The following PLXDC2 variants were observed in gnomAD, a reference collection of about 807,000 sequenced individuals.
PLXDC2 encodes plexin domain-containing protein 2.
In PLXDC2, 40 loss-of-function variants were observed where a neutral mutation model predicts 68.9. That is an observed-to-expected ratio of 0.58 (90% CI 0.45 to 0.76). The LOEUF (loss-of-function observed/expected upper bound fraction) is 0.76, where lower values mean the gene tolerates loss of function less well. PLXDC2 is among the 30% of genes least tolerant of loss of function. The pLI is 0.00. For missense variants in PLXDC2, 644 were observed against 661.9 expected (o/e 0.97, Z 0.30); for synonymous variants, 243 against 234.2 (o/e 1.04, Z -0.34).
At chr10:19,847,933 C>G (rs1837040501) in intron 1 of PLXDC2, among the ~76,000 whole-genome samples, 1 of 152,174 alleles carries the variant, frequency 6.6e-6, no homozygotes, top group Admixed American at 6.6e-5. Flanking sequence ...AACCATAGAA[C>G]TATTCATTGT....
chr10:20,083,719 A>G (rs1180197632), intron 4 of PLXDC2, among the ~76,000 whole-genome samples: 2 of 152,168 alleles, frequency 1.3e-5, no homozygotes, highest in Admixed American at 6.5e-5. Flanking sequence ...GAGGCAGTAT[A>G]AATTGCTGAT....
chr10:19,898,180 T>C (rs1838095080), intron 1 of PLXDC2, among the ~76,000 whole-genome samples: 1 of 152,226 alleles, frequency 6.6e-6, no homozygotes, highest in African/African-American at 2.4e-5. Flanking sequence ...TTTTTATTTG[T>C]ATTTTTTGGT....
rs1392812279 is a variant in PLXDC2, at chr10:20,258,748, C to T, written c.1473+13243C>T. Reference sequence around the variant, plus strand: ...TCTGGCCGGGTGCGGTGGCTCACGCCTGTAATCCCAGCACTTTGGGAGGCC... The same window carrying T: ...TCTGGCCGGGTGCGGTGGCTCACGCTTGTAATCCCAGCACTTTGGGAGGCC... On this transcript the variant is annotated intron_variant, in intron 13 of 13. Transcript: ENST00000377252. Among the ~76,000 whole-genome samples the T allele has an allele frequency of 3.9e-5, 6 of 152,004 alleles. No individual in the cohort carries two copies. In the East Asian group the frequency reaches 1.2e-3, roughly 29 times the overall value.
intron 9 of PLXDC2, among the ~76,000 whole-genome samples, chr10:20,194,213 T>C (rs974102256): frequency 1.3e-5 from 2 of 151,500 alleles, no homozygotes; most frequent in African/African-American, 4.8e-5. Context: ...TGTGTGTGTG[T>C]GTGTGTGTGT....
At chr10:20,054,849 A>C (rs1001936550) in intron 3 of PLXDC2, among the ~76,000 whole-genome samples, 9 of 152,072 alleles carry the variant, frequency 5.9e-5, no homozygotes, top group African/African-American at 2.2e-4. Flanking sequence ...AACTTAAAGT[A>C]TAATAATAAA....
At chr10:19,844,135 G>C (rs148601028) in intron 1 of PLXDC2, among the ~76,000 whole-genome samples, 86 of 152,308 alleles carry the variant, frequency 5.6e-4, no homozygotes, top group African/African-American at 1.9e-3. Flanking sequence ...TATCTGTAGT[G>C]AGCGGTGTTC....
chr10:20,075,582 C>T (rs1482917218), intron 4 of PLXDC2, among the ~76,000 whole-genome samples: 2 of 152,096 alleles, frequency 1.3e-5, no homozygotes, highest in Non-Finnish European at 2.9e-5. Flanking sequence ...AGCACTGGCT[C>T]CTTGTGGCAG....
intron 2 of PLXDC2, among the ~76,000 whole-genome samples, chr10:20,012,337 A>C: frequency 5.1e-4 from 1 of 1,966 alleles, no homozygotes; most frequent in Non-Finnish European, 1.5e-3. Context: ...TTTTTTTTGG[A>C]GAAGGAGACT....
chr10:19,905,490 G>T (rs1416654211), intron 1 of PLXDC2, among the ~76,000 whole-genome samples: 1 of 152,164 alleles, frequency 6.6e-6, no homozygotes, highest in South Asian at 2.1e-4. Flanking sequence ...ACCCAAAGGA[G>T]GCATTCTGAG....
intron 2 of PLXDC2, among the ~76,000 whole-genome samples, chr10:20,039,939 G>A (rs73603691): frequency 0.086 from 13,023 of 152,074 alleles, 1,069 homozygotes; most frequent in African/African-American, 0.22. Context: ...AGATTATAGC[G>A]TAAGTGCTGA....
intron 1 of PLXDC2, among the ~76,000 whole-genome samples, chr10:19,865,791 T>A (rs1202446110): frequency 6.6e-6 from 1 of 152,214 alleles, no homozygotes; most frequent in African/African-American, 2.4e-5. Flanking sequence ...GTGTAACAGA[T>A]TTCTGTAAGC....
intron 7 of PLXDC2, among the ~76,000 whole-genome samples, chr10:20,176,661 T>A (rs1313005332): frequency 6.6e-6 from 1 of 152,158 alleles, no homozygotes; most frequent in Non-Finnish European, 1.5e-5. Context: ...AATGGTATCA[T>A]CTTACCTTCT....
At chr10:20,243,366 G>C (rs1363019090) in intron 12 of PLXDC2, among the ~76,000 whole-genome samples, 4 of 152,126 alleles carry the variant, frequency 2.6e-5, no homozygotes, top group Non-Finnish European at 5.9e-5. Flanking sequence ...CCCTGACACA[G>C]TATAAATGAA....
intron 1 of PLXDC2, among the ~76,000 whole-genome samples, chr10:19,883,135 T>G (rs1188895850): frequency 6.6e-6 from 1 of 151,952 alleles, no homozygotes; most frequent in Non-Finnish European, 1.5e-5. Flanking sequence ...TTTTTGTTTT[T>G]GTATTTTTAG....
rs1833736323 is a variant in PLXDC2, at chr10:20,124,024, G to A, written c.542-19271G>A. Among the ~76,000 whole-genome samples, 3 of 152,020 alleles carry A rather than the reference G, an allele frequency of 2.0e-5. No homozygotes were observed. The South Asian group carries it at 6.2e-4, about 32-fold the overall frequency. On this transcript the variant is annotated intron_variant, in intron 4 of 13. Coordinates refer to ENST00000377252, the MANE Select transcript of PLXDC2 (RefSeq NM_032812.9). ...GTTTCTTGCCCCCCAGAAAGGCAGA[G>A]AAGGTGTAGAGACACGGAGAGAAGG... is the stretch of plus-strand genomic sequence containing the variant.
chr10:20,152,552 A>T (rs909231285), intron 6 of PLXDC2, among the ~76,000 whole-genome samples: 11 of 152,164 alleles, frequency 7.2e-5, no homozygotes, highest in African/African-American at 2.7e-4. Flanking sequence ...ATATTTTTTT[A>T]AAGTTCTTTT....
At chr10:20,109,638 A>C (rs1290158680) in intron 4 of PLXDC2, among the ~76,000 whole-genome samples, 1 of 152,184 alleles carries the variant, frequency 6.6e-6, no homozygotes, top group Non-Finnish European at 1.5e-5. Flanking sequence ...CATCTTTCAG[A>C]TATCTTCTCT....
At chr10:20,216,117 A>G (rs10764213) in intron 10 of PLXDC2, among the ~76,000 whole-genome samples, 1 of 151,682 alleles carries the variant, frequency 6.6e-6, no homozygotes, top group Non-Finnish European at 1.5e-5. Flanking sequence ...TAAAAAAAAA[A>G]AAAAATAAAA....
At chr10:19,835,930 G>C (rs1489934730) in intron 1 of PLXDC2, among the ~76,000 whole-genome samples, 2 of 152,116 alleles carry the variant, frequency 1.3e-5, no homozygotes, top group Non-Finnish European at 2.9e-5. Context: ...TCAGCACTTT[G>C]GGGGGCTGAC....
Sources: allele counts gnomAD v4.1 joint callset (sites outside exome capture counted in the v4.1 genomes callset), GRCh38; gene constraint gnomAD v4.1.1; transcripts MANE v1.5; gene names NCBI Gene and HGNC (gene_info 2026-07-23, HGNC 2026-07-21).